Variants in CNTNAP2 observed in about 807,000 individuals in gnomAD.
CNTNAP2 encodes contactin associated protein 2.
CNTNAP2 carries 98 observed loss-of-function variants against 155.2 expected under a neutral mutation model. The observed-to-expected ratio is 0.63, with a 90% CI of 0.54 to 0.75. The LOEUF is 0.75. CNTNAP2 is among the 30% of genes least tolerant of loss of function. The probability of loss-of-function intolerance (pLI) is 0.00; values close to 1 mark genes in which losing one functional copy is unlikely to be tolerated. For missense variants in CNTNAP2, 1,727 were observed against 1,688.1 expected, an observed-to-expected ratio of 1.02 and a Z score of -0.40; for synonymous variants, 651 against 631.2, an observed-to-expected ratio of 1.03 and a Z score of -0.47.
intron 20 of CNTNAP2, among the ~76,000 whole-genome samples, chr7:148,230,062 A>C (rs1795931268): frequency 6.6e-6 from 1 of 152,192 alleles, no homozygotes; most frequent in Admixed American, 6.5e-5. Context: ...CTATCAATTT[A>C]CTGCTTTTAT....
At position 146,352,748 on chromosome 7, in the gene CNTNAP2, C is replaced by CTTTTTTTTTTTTTTTTT. The variant is rs1201897985; in HGVS notation, c.97+235776_97+235777insTTTTTTTTTTTTTTTTT. Among the ~76,000 whole-genome samples, 28 of 66,202 alleles carry CTTTTTTTTTTTTTTTTT rather than the reference C, an allele frequency of 4.2e-4. 1 individual carries two copies. The highest frequency in any genetic ancestry group is 6.6e-4 in the Non-Finnish European group (25 of 37,904). The allele number at this position is 66,202 out of a possible 152,430, so 43.4% of individuals were successfully genotyped here. ...TCTTATAATTTCAATTAGCATAATT[C>CTTTTTTTTTTTTTTTTT]TGTTTTTTTTTTTTTTTTTTTTTCG... is the stretch of plus-strand genomic sequence containing the variant. On this transcript the variant is annotated intron_variant, in intron 1 of 23. Transcript: ENST00000361727.
intron 3 of CNTNAP2, among the ~76,000 whole-genome samples, chr7:146,890,771 C>A (rs1460525148): frequency 6.6e-6 from 1 of 152,182 alleles, no homozygotes; most frequent in Admixed American, 6.5e-5. Context: ...TTGTTTCCAA[C>A]ATGAGTGAAC....
At chr7:147,905,925 TGATGGAAGA>T (rs919828005) in intron 14 of CNTNAP2, among the ~76,000 whole-genome samples, 12 of 146,756 alleles carry the variant, frequency 8.2e-5, no homozygotes, top group Admixed American at 2.7e-4. Flanking sequence ...AAAAAAAAAC[TGATGGAAGA>T]AATTTTCAAT....
At chr7:147,131,305 C>G (rs1328192151) in intron 7 of CNTNAP2, among the ~76,000 whole-genome samples, 1 of 150,994 alleles carries the variant, frequency 6.6e-6, no homozygotes, top group African/African-American at 2.4e-5. Context: ...GAGAGACAGA[C>G]ATAGAGATAG....
chr7:147,045,129 T>C lies in CNTNAP2; in HGVS notation c.550+1075T>C, dbSNP rs551848517. 2.6e-5 allele frequency among the ~76,000 whole-genome samples: 4 copies of C among 152,260 alleles called. No individual in the cohort carries two copies. The East Asian group carries it at 7.7e-4, about 29-fold the overall frequency. On this transcript the variant is annotated intron_variant, in intron 4 of 23. Coordinates refer to ENST00000361727, the MANE Select transcript of CNTNAP2 (RefSeq NM_014141.6). ...TCCCGGAAATTTTTCTTCCAGCTGT[T>C]ACAATTCCCTGGGGGAACAAAGATG... is the stretch of plus-strand genomic sequence containing the variant.
intron 13 of CNTNAP2, among the ~76,000 whole-genome samples, chr7:147,646,697 C>T (rs1161783904): frequency 6.6e-6 from 1 of 152,116 alleles, no homozygotes; most frequent in Non-Finnish European, 1.5e-5. Context: ...GGCTGCAAAC[C>T]TAAGCGCAGA....
intron 13 of CNTNAP2, among the ~76,000 whole-genome samples, chr7:147,830,899 C>T (rs1243994207): frequency 6.6e-6 from 1 of 152,120 alleles, no homozygotes; most frequent in Non-Finnish European, 1.5e-5. Context: ...GAAGAGATGG[C>T]AAGTGTATCC....
intron 1 of CNTNAP2, among the ~76,000 whole-genome samples, chr7:146,457,492 AT>A (rs1264707439): frequency 7.7e-4 from 1 of 1,306 alleles, no homozygotes; most frequent in Non-Finnish European, 1.9e-3. Context: ...ATATATATAT[AT>A]ATATATATAT....
At chr7:146,367,391 C>A (rs1261940239) in intron 1 of CNTNAP2, among the ~76,000 whole-genome samples, 1 of 151,998 alleles carries the variant, frequency 6.6e-6, no homozygotes. Flanking sequence ...AACATGTAAG[C>A]CTTTGGTGTA....
chr7:146,174,846 A>G lies in CNTNAP2; in HGVS notation c.97+57873A>G, dbSNP rs145249153. Among the ~76,000 whole-genome samples the G allele has an allele frequency of 1.3e-3, 200 of 152,230 alleles. 4 individuals carry two copies. In the East Asian group the frequency reaches 0.032, roughly 25 times the overall value. On this transcript the variant is annotated intron_variant, in intron 1 of 23. Transcript: ENST00000361727. ...CGGCAGAGCGAGACTCATCTCAAACAAACAAACAAAAACTATAAAGAAAGC... is the reference window on the plus strand; with the variant it reads ...CGGCAGAGCGAGACTCATCTCAAACGAACAAACAAAAACTATAAAGAAAGC...
chr7:146,237,574 T>G (rs1799494557), intron 1 of CNTNAP2, among the ~76,000 whole-genome samples: 1 of 152,204 alleles, frequency 6.6e-6, no homozygotes, highest in Non-Finnish European at 1.5e-5. Context: ...TCTTAGCAAG[T>G]GCCTAGAATA....
intron 21 of CNTNAP2, among the ~76,000 whole-genome samples, chr7:148,355,097 A>G (rs1286915184): frequency 6.7e-6 from 1 of 148,220 alleles, no homozygotes; most frequent in Admixed American, 6.8e-5. Flanking sequence ...CCTTAGGGTT[A>G]ATCATAGTGA....
At chr7:146,982,084 T>G (rs1798028975) in intron 3 of CNTNAP2, among the ~76,000 whole-genome samples, 1 of 152,152 alleles carries the variant, frequency 6.6e-6, no homozygotes, top group African/African-American at 2.4e-5. Flanking sequence ...CTTTCTTTGA[T>G]TTTCCCTCAC....
At chr7:147,127,158 A>G (rs1801257430) in intron 6 of CNTNAP2, among the ~76,000 whole-genome samples, 1 of 152,216 alleles carries the variant, frequency 6.6e-6, no homozygotes, top group Non-Finnish European at 1.5e-5. Flanking sequence ...TACTAGGCAC[A>G]CTTAGGTAGT....
At chr7:148,172,968 A>G (rs1794852710) in intron 18 of CNTNAP2, among the ~76,000 whole-genome samples, 1 of 152,202 alleles carries the variant, frequency 6.6e-6, no homozygotes, top group Non-Finnish European at 1.5e-5. Context: ...TCAGTCATTA[A>G]CATCATTATT....
chr7:148,022,231 G>C (rs1410530431), intron 15 of CNTNAP2, among the ~76,000 whole-genome samples: 1 of 152,192 alleles, frequency 6.6e-6, no homozygotes, highest in East Asian at 1.9e-4. Flanking sequence ...CACTATGGGA[G>C]GCTAGGCAGG....
chr7:147,285,747 C>A (rs1563146259), intron 8 of CNTNAP2, among the ~76,000 whole-genome samples: 1 of 151,940 alleles, frequency 6.6e-6, no homozygotes. Context: ...GCTCTGTAAT[C>A]ATTCTAGTGT....
rs114835581 is a variant in CNTNAP2, at chr7:147,144,515, A to G, written c.1348+12006A>G. 2.1e-3 allele frequency among the ~76,000 whole-genome samples: 327 copies of G among 152,352 alleles called. 5 individuals carry two copies. The highest frequency in any genetic ancestry group is 7.2e-3 in the African/African-American group (301 of 41,582). ...GAAATGTGAAATCTGGATCACATGTAGATCTATTGGCAGGTACGTTTCTAA... is the reference window on the plus strand; with the variant it reads ...GAAATGTGAAATCTGGATCACATGTGGATCTATTGGCAGGTACGTTTCTAA... On this transcript the variant is annotated intron_variant, in intron 8 of 23. Coordinates refer to ENST00000361727, the MANE Select transcript of CNTNAP2 (RefSeq NM_014141.6).
chr7:147,358,223 T>A (rs947299884), intron 9 of CNTNAP2, among the ~76,000 whole-genome samples: 1 of 152,170 alleles, frequency 6.6e-6, no homozygotes, highest in African/African-American at 2.4e-5. Flanking sequence ...TACATACTTA[T>A]AAAAACTTTG....
Sources: allele counts gnomAD v4.1 joint callset (sites outside exome capture counted in the v4.1 genomes callset), GRCh38; gene constraint gnomAD v4.1.1; transcripts MANE v1.5; gene names NCBI Gene and HGNC (gene_info 2026-07-23, HGNC 2026-07-21).